The following PLEKHA8 variants were observed in gnomAD, a reference collection of about 807,000 sequenced individuals.
The protein encoded by PLEKHA8 is pleckstrin homology domain-containing family A member 8.
A neutral mutation model predicts 68.2 loss-of-function variants in PLEKHA8; 36 were observed. That is an observed-to-expected ratio of 0.53 (90% CI 0.40 to 0.70). The LOEUF (loss-of-function observed/expected upper bound fraction) is 0.70. PLEKHA8 is among the 30% of genes least tolerant of loss of function. PLEKHA8 has a pLI of 0.00. For missense variants in PLEKHA8, 505 were observed against 615.4 expected (o/e 0.82, Z 1.90); for synonymous variants, 211 against 216.1 (o/e 0.98, Z 0.20).
rs1368448721 is a variant in PLEKHA8 at position 30,078,945 on chromosome 7, T to A, written c.*158T>A. On this transcript the variant is annotated 3_prime_UTR_variant, in exon 14 of 14. Coordinates refer to ENST00000449726, the MANE Select transcript of PLEKHA8 (RefSeq NM_001197026.2). ...CCCAGTGCTTTTATAATTTTTAAAA[T>A]GCATATGTGTTTTGTTTAAAGATCA... 5 of 1,424,120 alleles carry A rather than the reference T, an allele frequency of 3.5e-6. No homozygotes were observed. The African/African-American group carries it at 7.2e-5, about 21-fold the overall frequency. The allele number at this position is 1,424,120 out of a possible 1,614,324, so 88.2% of individuals were successfully genotyped here. A position where few individuals can be genotyped will look rare whatever the true frequency, so the allele number is the denominator to read the frequency against.
Position 30,052,801 on chromosome 7 carries a change from A to G in PLEKHA8, c.731A>G (p.Tyr244Cys). The G allele has an allele frequency of 6.4e-7, 1 of 1,568,392 alleles. No individual in the cohort carries two copies. Among genetic ancestry groups the G allele is most frequent in the Non-Finnish European group, 8.6e-7 (1 of 1,165,472 alleles). ...EILMKNKNSL[Y>C]LKSAEIDCSI... is the part of the protein sequence containing the mutation. ...CTAATGAAAAATAAGAATTCCTTATATTTGAAATCTGCAGAGATAGACTGC... is the reference window on the plus strand; with the variant it reads ...CTAATGAAAAATAAGAATTCCTTATGTTTGAAATCTGCAGAGATAGACTGC... Residue 244 changes from tyrosine to cysteine, a missense_variant, in exon 7 of 14, where the codon TAT becomes TGT. Coordinates refer to ENST00000449726, the MANE Select transcript of PLEKHA8 (RefSeq NM_001197026.2).
intron 12 of PLEKHA8, among the ~76,000 whole-genome samples, chr7:30,065,095 G>A (rs1177349642): frequency 6.6e-6 from 1 of 152,126 alleles, no homozygotes; most frequent in Non-Finnish European, 1.5e-5. Context: ...TACTTGATTT[G>A]GAGACTGGGC....
intron 1 of PLEKHA8, among the ~76,000 whole-genome samples, chr7:30,031,635 G>A (rs761223902): frequency 6.6e-6 from 1 of 152,146 alleles, no homozygotes; most frequent in Admixed American, 6.5e-5. Flanking sequence ...GTGCATGTGG[G>A]TACATGCATG....
At chr7:30,052,351 A>G (rs2127978571) in intron 6 of PLEKHA8, among the ~76,000 whole-genome samples, 1 of 152,196 alleles carries the variant, frequency 6.6e-6, no homozygotes, top group Non-Finnish European at 1.5e-5. Flanking sequence ...TCAATTTATG[A>G]CCAAGCTTGG....
chr7:30,082,068 G>A lies in PLEKHA8; in HGVS notation c.*3281G>A, dbSNP rs1196927262. The A allele has an allele frequency of 2.0e-6, 2 of 980,428 alleles. No individual in the cohort carries two copies. The highest frequency in any genetic ancestry group is 3.5e-5 in the African/African-American group (2 of 57,132). 60.7% of individuals were successfully genotyped at this position (980,428 alleles called of 1,614,324 possible). ...TGTAGCTCTGAAGGGAGTTCCAGAA[G>A]AGGAGCTCTCACAGAATGTTGAGCC... On this transcript the variant is annotated 3_prime_UTR_variant, in exon 14 of 14. Transcript: ENST00000449726.
intron 1 of PLEKHA8, among the ~76,000 whole-genome samples, chr7:30,038,858 A>G (rs569857076): frequency 2.6e-4 from 40 of 152,202 alleles, no homozygotes; most frequent in African/African-American, 4.6e-4. Flanking sequence ...GGGAACAGGA[A>G]CATCTCCATT....
In PLEKHA8 at chr7:30,028,816, C is replaced by CCGGGCCGGGGG; in HGVS notation, c.40+17_40+27dup. On this transcript the variant is annotated intron_variant, in intron 1 of 13. Transcript: ENST00000449726. ...ACTATCTGAGCGGTGAGTGGCCGTG[C>CCGGGCCGGGGG]CGGGCCGGGGGCGCGCCGGGGGCCG... 1 of 1,263,724 alleles carries CCGGGCCGGGGG rather than the reference C, an allele frequency of 7.9e-7. No homozygotes were observed. The highest frequency in any genetic ancestry group is 1.0e-6 in the Non-Finnish European group (1 of 999,042). The allele number at this position is 1,263,724 out of a possible 1,614,324, so 78.3% of individuals were successfully genotyped here. A position where few individuals can be genotyped will look rare whatever the true frequency, so the allele number is the denominator to read the frequency against.
chr7:30,074,392 G>A (rs1794479535), intron 13 of PLEKHA8, among the ~76,000 whole-genome samples: 2 of 152,210 alleles, frequency 1.3e-5, no homozygotes, highest in Non-Finnish European at 1.5e-5. Flanking sequence ...GTCTGGAATA[G>A]CAAAGACTGT....
intron 13 of PLEKHA8, chr7:30,118,151 C>T: frequency 1.4e-6 from 1 of 719,018 alleles, no homozygotes; most frequent in Non-Finnish European, 2.1e-6. Flanking sequence ...CCCAGCAAGC[C>T]CCGAGATGCC....
intron 13 of PLEKHA8, among the ~76,000 whole-genome samples, chr7:30,108,545 A>G (rs1417609362): frequency 1.3e-5 from 2 of 152,170 alleles, no homozygotes; most frequent in African/African-American, 4.8e-5. Flanking sequence ...AAAACTCCCA[A>G]TTCAAGTTAT....
chr7:30,030,459 A>C (rs916561474), intron 1 of PLEKHA8, among the ~76,000 whole-genome samples: 1 of 152,046 alleles, frequency 6.6e-6, no homozygotes, highest in Non-Finnish European at 1.5e-5. Flanking sequence ...GATCTTTTGG[A>C]ATCTTTGTTA....
chr7:30,090,118 G>T (rs1172848124), intron 12 of PLEKHA8: 1 of 1,530,802 alleles, frequency 6.5e-7, no homozygotes, highest in Admixed American at 2.1e-5. Flanking sequence ...ATGAAGGAAG[G>T]AATCTTTAGA....
chr7:30,065,611 G>C (rs1793792382), intron 12 of PLEKHA8, among the ~76,000 whole-genome samples: 1 of 152,128 alleles, frequency 6.6e-6, no homozygotes, highest in South Asian at 2.1e-4. Context: ...AATGAGGGAG[G>C]GTGAGTGAGT....
chr7:30,092,345 GT>G (rs1795450078), downstream of PLEKHA8, among the ~76,000 whole-genome samples: 1 of 152,014 alleles, frequency 6.6e-6, no homozygotes, highest in Non-Finnish European at 1.5e-5. Flanking sequence ...TTTCTTATTT[GT>G]TCCACTTGTC....
chr7:30,088,866 C>T (rs1795283698), downstream of PLEKHA8, among the ~76,000 whole-genome samples: 1 of 129,990 alleles, frequency 7.7e-6, no homozygotes, highest in South Asian at 2.4e-4. Context: ...TGAATAGGGG[C>T]AGGATGAGTA....
chr7:30,120,729 A>C (rs1275632709), intron 13 of PLEKHA8, among the ~76,000 whole-genome samples: 6 of 152,198 alleles, frequency 3.9e-5, no homozygotes, highest in African/African-American at 1.4e-4. Flanking sequence ...ATTAGTTGAA[A>C]CTTCCTGTAA....
chr7:30,049,457 T>C (rs1357956253), intron 5 of PLEKHA8, 75 bp downstream of exon 5: 13 of 1,532,120 alleles, frequency 8.5e-6, no homozygotes, highest in Middle Eastern at 1.8e-4. Flanking sequence ...TTATGTTCTC[T>C]ATTACCCTTT....
chr7:30,087,158 T>C (rs1795216729), downstream of PLEKHA8, among the ~76,000 whole-genome samples: 2 of 152,228 alleles, frequency 1.3e-5, no homozygotes, highest in African/African-American at 4.8e-5. Context: ...TGAAGTCAAA[T>C]TCTGCTTCAG....
chr7:30,117,236 T>C (rs887761541), intron 13 of PLEKHA8, among the ~76,000 whole-genome samples: 2 of 152,180 alleles, frequency 1.3e-5, no homozygotes, highest in Admixed American at 6.5e-5. Context: ...ATTATATGTG[T>C]GTGTGCATTT....
Sources: gnomAD v4.1 joint callset for allele counts (sites outside exome capture counted in the v4.1 genomes callset) on GRCh38, gnomAD v4.1.1 for gene constraint, MANE v1.5 for transcripts, NCBI Gene and HGNC (gene_info 2026-07-23, HGNC 2026-07-21) for gene names.